GALNT17: variants seen among roughly 807,000 people sequenced by gnomAD.
The protein encoded by GALNT17 is polypeptide N-acetylgalactosaminyltransferase 17, also known as UDP-GalNAc:polypeptide N-acetylgalactosaminyltransferase-like 3.
In GALNT17, 29 loss-of-function variants were observed where a neutral mutation model predicts 63.7. The observed-to-expected ratio is 0.46, with a 90% CI of 0.34 to 0.62. The LOEUF is 0.62. Ranked by LOEUF, GALNT17 falls within the 20% of genes least tolerant of loss-of-function variation. The pLI is 0.01. For synonymous variants in GALNT17, 305 were observed against 318.3 expected, an observed-to-expected ratio of 0.96 and a Z score of 0.45; for missense variants, 603 against 799.6, an observed-to-expected ratio of 0.75 and a Z score of 2.97.
Position 71,412,457 on chromosome 7 carries a change from G to A in GALNT17, c.590-3432G>A, listed in dbSNP as rs894796760. ...GCAATCTCGGCTCACTGCAACTTCC[G>A]CCCCACCAGGATCATGCGATTCTCC... is the stretch of plus-strand genomic sequence containing the variant. On this transcript the variant is annotated intron_variant, in intron 3 of 10. Transcript: ENST00000333538. Among the ~76,000 whole-genome samples, 9 of 151,022 alleles carry A rather than the reference G, an allele frequency of 6.0e-5. No homozygotes were observed. In the East Asian group the frequency reaches 7.9e-4, roughly 13 times the overall value.
chr7:71,604,148 C>A (rs1426332925), intron 6 of GALNT17, among the ~76,000 whole-genome samples: 2 of 152,146 alleles, frequency 1.3e-5, no homozygotes, highest in Non-Finnish European at 2.9e-5. Context: ...ATGCTAAGTG[C>A]ATACAATGGA....
intron 1 of GALNT17, among the ~76,000 whole-genome samples, chr7:71,217,810 C>G (rs1789512797): frequency 6.6e-6 from 1 of 152,014 alleles, no homozygotes; most frequent in Non-Finnish European, 1.5e-5. Context: ...TGCCTGTAGT[C>G]CCAGCTACTC....
chr7:71,647,956 C>T (rs1434413413), intron 6 of GALNT17, among the ~76,000 whole-genome samples: 3 of 152,200 alleles, frequency 2.0e-5, no homozygotes, highest in African/African-American at 4.8e-5. Context: ...CAGGGAAAAA[C>T]AGAATGTGGA....
intron 1 of GALNT17, among the ~76,000 whole-genome samples, chr7:71,166,390 C>T (rs1473283511): frequency 6.6e-6 from 1 of 152,106 alleles, no homozygotes; most frequent in African/African-American, 2.4e-5. Flanking sequence ...TTAAAGGGTA[C>T]AATTTGATAA....
intron 1 of GALNT17, among the ~76,000 whole-genome samples, chr7:71,183,925 G>A (rs1205383532): frequency 6.6e-6 from 1 of 151,992 alleles, no homozygotes; most frequent in East Asian, 1.9e-4. Context: ...GCAGCAGCAG[G>A]GACAACCACA....
chr7:71,699,293 C>G (rs1791592329), intron 9 of GALNT17, among the ~76,000 whole-genome samples: 1 of 150,550 alleles, frequency 6.6e-6, no homozygotes, highest in African/African-American at 2.4e-5. Flanking sequence ...TTCTGGCCAA[C>G]ATGGTGAAAC....
At chr7:71,694,111 A>G (rs576018886) in intron 9 of GALNT17, among the ~76,000 whole-genome samples, 62 of 152,252 alleles carry the variant, frequency 4.1e-4, no homozygotes, top group Non-Finnish European at 6.2e-4. Context: ...CTGGTGGCAG[A>G]CAAGAGAAGA....
At chr7:71,144,219 G>A (rs1364119447) in intron 1 of GALNT17, among the ~76,000 whole-genome samples, 3 of 152,058 alleles carry the variant, frequency 2.0e-5, no homozygotes, top group Non-Finnish European at 4.4e-5. Flanking sequence ...CTGGCCTGGG[G>A]AGTCCGTCAG....
At chr7:71,214,211 A>C (rs1789432753) in intron 1 of GALNT17, among the ~76,000 whole-genome samples, 1 of 152,218 alleles carries the variant, frequency 6.6e-6, no homozygotes, top group African/African-American at 2.4e-5. Context: ...GGTGTGCACT[A>C]TGAATAGTTC....
chr7:71,552,317 T>TA (rs1789094064), intron 5 of GALNT17, among the ~76,000 whole-genome samples: 3 of 152,088 alleles, frequency 2.0e-5, no homozygotes, highest in African/African-American at 7.2e-5. Flanking sequence ...AGTGCTAGGA[T>TA]TACAGGCGTG....
chr7:71,642,439 C>G (rs1790617737), intron 6 of GALNT17, among the ~76,000 whole-genome samples: 1 of 152,136 alleles, frequency 6.6e-6, no homozygotes, highest in Non-Finnish European at 1.5e-5. Flanking sequence ...AAAGCAGGCC[C>G]CCAAGGTAAA....
chr7:71,676,725 G>T (rs1791156014), intron 8 of GALNT17, among the ~76,000 whole-genome samples: 3 of 152,104 alleles, frequency 2.0e-5, no homozygotes, highest in Admixed American at 2.0e-4. Context: ...ATAATGACCT[G>T]AGAAGCTAAC....
intron 6 of GALNT17, among the ~76,000 whole-genome samples, chr7:71,585,914 C>CTTTT (rs35569879): frequency 5.1e-5 from 7 of 137,984 alleles, no homozygotes; most frequent in East Asian, 2.2e-4. Context: ...TTCCTGATTT[C>CTTTT]TTTTTTTTTT....
At chr7:71,455,673 C>T (rs1787342325) in intron 5 of GALNT17, among the ~76,000 whole-genome samples, 1 of 152,148 alleles carries the variant, frequency 6.6e-6, no homozygotes, top group African/African-American at 2.4e-5. Flanking sequence ...CTCTCTCATG[C>T]TCATAGTCCA....
chr7:71,393,736 A>G (rs1256715611), intron 3 of GALNT17, among the ~76,000 whole-genome samples: 1 of 152,106 alleles, frequency 6.6e-6, no homozygotes, highest in Non-Finnish European at 1.5e-5. Flanking sequence ...TTTTGTTTTT[A>G]TTTTAAGTCA....
chr7:71,471,368 G>A (rs1266654242), intron 5 of GALNT17, among the ~76,000 whole-genome samples: 1 of 138,462 alleles, frequency 7.2e-6, no homozygotes, highest in Non-Finnish European at 1.5e-5. Context: ...AGGAGCCACT[G>A]GACCTGGCTG....
intron 1 of GALNT17, among the ~76,000 whole-genome samples, chr7:71,205,495 T>C (rs1416410058): frequency 6.6e-6 from 1 of 152,100 alleles, no homozygotes; most frequent in Admixed American, 6.5e-5. Flanking sequence ...GCAGTAATGC[T>C]CATTGCAGCC....
intron 5 of GALNT17, among the ~76,000 whole-genome samples, chr7:71,526,217 G>A (rs758258490): frequency 1.3e-5 from 2 of 152,090 alleles, no homozygotes; most frequent in Non-Finnish European, 2.9e-5. Context: ...TTTCCTGGAA[G>A]AGAGTTGATG....
intron 2 of GALNT17, among the ~76,000 whole-genome samples, chr7:71,365,591 A>G (rs963285741): frequency 3.9e-5 from 6 of 152,228 alleles, no homozygotes; most frequent in African/African-American, 1.4e-4. Flanking sequence ...ACAGCTCAGC[A>G]TAGTAAGCAC....
Sources: allele counts gnomAD v4.1 joint callset (sites outside exome capture counted in the v4.1 genomes callset), GRCh38; gene constraint gnomAD v4.1.1; transcripts MANE v1.5; gene names NCBI Gene and HGNC (gene_info 2026-07-23, HGNC 2026-07-21).